Variants in GPC5 observed in about 807,000 individuals in gnomAD.
The protein encoded by GPC5 is glypican 5.
GPC5 carries 47 observed loss-of-function variants against 53.9 expected under a neutral mutation model. That is an observed-to-expected ratio of 0.87 (90% CI 0.69 to 1.11). The LOEUF (loss-of-function observed/expected upper bound fraction) is 1.11. GPC5 is among the 50% of genes most tolerant of loss of function. GPC5 has a pLI of 0.00. For missense variants in GPC5, 748 were observed against 713.1 expected (o/e 1.05, Z -0.56); for synonymous variants, 286 against 263.3 (o/e 1.09, Z -0.84).
intron 6 of GPC5, among the ~76,000 whole-genome samples, chr13:92,008,272 C>T (rs535508728): frequency 6.6e-6 from 1 of 152,062 alleles, no homozygotes; most frequent in East Asian, 1.9e-4. Context: ...CCGTGTTAGC[C>T]AGGATGGTCT....
chr13:92,166,945 C>CTA (rs2042033449), intron 7 of GPC5, among the ~76,000 whole-genome samples: 1 of 67,812 alleles, frequency 1.5e-5, no homozygotes. Flanking sequence ...CTCTCTCTCT[C>CTA]TCTCTCTCTC....
chr13:92,572,135 T>A (rs1037986562), intron 7 of GPC5, among the ~76,000 whole-genome samples: 1 of 152,240 alleles, frequency 6.6e-6, no homozygotes, highest in Admixed American at 6.5e-5. Flanking sequence ...TTTATTTTTC[T>A]GATTGAGATA....
chr13:92,251,285 T>C (rs7338926), intron 7 of GPC5, among the ~76,000 whole-genome samples: 3,121 of 152,094 alleles, frequency 0.021, 95 homozygotes, highest in African/African-American at 0.071. Context: ...GTTCATGAAA[T>C]TATTGGGGAT....
chr13:92,174,274 C>T (rs941728776), intron 7 of GPC5, among the ~76,000 whole-genome samples: 4 of 151,724 alleles, frequency 2.6e-5, no homozygotes, highest in African/African-American at 7.3e-5. Flanking sequence ...GTGATTCCAG[C>T]GCTTTGGGAG....
intron 5 of GPC5, among the ~76,000 whole-genome samples, chr13:91,849,130 A>T (rs1232966453): frequency 6.6e-6 from 1 of 152,160 alleles, no homozygotes; most frequent in African/African-American, 2.4e-5. Flanking sequence ...TGCTGCAAAC[A>T]CATTGCTCTT....
intron 5 of GPC5, among the ~76,000 whole-genome samples, chr13:91,837,626 G>C (rs1266227051): frequency 6.6e-6 from 1 of 152,032 alleles, no homozygotes; most frequent in Non-Finnish European, 1.5e-5. Context: ...GTTGTGTTTT[G>C]GTAAATTTTG....
intron 2 of GPC5, among the ~76,000 whole-genome samples, chr13:91,524,509 C>T (rs1446407222): frequency 6.6e-6 from 1 of 151,948 alleles, no homozygotes; most frequent in Non-Finnish European, 1.5e-5. Context: ...AACAGATATC[C>T]AGATATGTAC....
chr13:92,465,216 G>T (rs1878644154), intron 7 of GPC5, among the ~76,000 whole-genome samples: 1 of 151,982 alleles, frequency 6.6e-6, no homozygotes, highest in African/African-American at 2.4e-5. Flanking sequence ...GCATAAAAGT[G>T]TATGTTAAGA....
rs139291112 is a variant in GPC5 at position 91,859,786 on chromosome 13, TTTTA to T, written c.1281-48147_1281-48144del. On this transcript the variant is annotated intron_variant, in intron 5 of 7. Coordinates refer to ENST00000377067, the MANE Select transcript of GPC5 (RefSeq NM_004466.6). ...TTTACTTTTTTCAAATTATGTTTTA[TTTTA>T]TTTGTTTCTTATTTTTTCATTGACT... Among the ~76,000 whole-genome samples, 149 of 152,134 alleles carry T rather than the reference TTTTA, an allele frequency of 9.8e-4. 4 individuals are homozygous for T. The East Asian group carries it at 0.026, about 27-fold the overall frequency.
At position 91,729,789 on chromosome 13, in the gene GPC5, A is replaced by G. The variant is rs538679354; in HGVS notation, c.1154+1124A>G. On this transcript the variant is annotated intron_variant, in intron 4 of 7. Transcript: ENST00000377067. ...GGTGTTTTTATAATAAAACCCATCT[A>G]CAGAAGATCTGAAGTCCTTCGAGGT... 2.0e-5 allele frequency among the ~76,000 whole-genome samples: 3 copies of G among 152,306 alleles called. No individual in the cohort carries two copies. In the East Asian group the frequency reaches 5.8e-4, roughly 29 times the overall value.
At chr13:92,800,668 T>TA (rs1490866640) in intron 7 of GPC5, among the ~76,000 whole-genome samples, 1 of 151,882 alleles carries the variant, frequency 6.6e-6, no homozygotes, top group African/African-American at 2.4e-5. Flanking sequence ...TGAAGGTTCC[T>TA]ATGATTATCT....
intron 6 of GPC5, among the ~76,000 whole-genome samples, chr13:91,913,260 A>G (rs749801720): frequency 3.3e-5 from 5 of 151,926 alleles, no homozygotes; most frequent in Non-Finnish European, 7.4e-5. Context: ...TTAGCTGGGC[A>G]TTGTGGCGTG....
chr13:91,399,323 G>C, intron 1 of GPC5, 114 bp downstream of exon 1: 2 of 1,297,716 alleles, frequency 1.5e-6, no homozygotes, highest in Non-Finnish European at 2.1e-6. Flanking sequence ...CTGCAGCCGC[G>C]CAGGGTGAAT....
intron 7 of GPC5, among the ~76,000 whole-genome samples, chr13:92,452,187 A>T (rs1878088579): frequency 6.6e-6 from 1 of 152,188 alleles, no homozygotes; most frequent in African/African-American, 2.4e-5. Flanking sequence ...GGTAGGTTGA[A>T]ACTGCAGGAT....
intron 2 of GPC5, among the ~76,000 whole-genome samples, chr13:91,680,794 A>G (rs2035490562): frequency 6.6e-6 from 1 of 152,230 alleles, no homozygotes; most frequent in Non-Finnish European, 1.5e-5. Context: ...GATTGAATTC[A>G]GAAATAGATG....
At chr13:92,778,046 C>T (rs1875882510) in intron 7 of GPC5, among the ~76,000 whole-genome samples, 1 of 152,130 alleles carries the variant, frequency 6.6e-6, no homozygotes. Context: ...TATTGGGATG[C>T]TTAAATTATT....
At chr13:91,739,125 G>A (rs2036875004) in intron 4 of GPC5, among the ~76,000 whole-genome samples, 1 of 151,480 alleles carries the variant, frequency 6.6e-6, no homozygotes, top group South Asian at 2.1e-4. Flanking sequence ...AAATGAAAAT[G>A]TCTAAGCCAT....
intron 2 of GPC5, among the ~76,000 whole-genome samples, chr13:91,660,957 T>G (rs2034973755): frequency 6.6e-6 from 1 of 152,240 alleles, no homozygotes; most frequent in Non-Finnish European, 1.5e-5. Flanking sequence ...TCACTTAGAA[T>G]GGAACACAAT....
In GPC5 at chr13:92,145,124, T is replaced by A. The variant is rs898426873; in HGVS notation, c.1561+135T>A. On this transcript the variant is annotated intron_variant, in intron 7 of 7. Coordinates refer to ENST00000377067, the MANE Select transcript of GPC5 (RefSeq NM_004466.6). The stretch of plus-strand genomic sequence containing the variant: ...GAATTGGAAATGGAAATGAATCTAT[T>A]TTTGGTTTTTTAGGACATACATTCT... 7.0e-6 allele frequency: 6 copies of A among 860,448 alleles called. No homozygotes were observed. The East Asian group carries it at 2.0e-4, about 29-fold the overall frequency. The allele number at this position is 860,448 out of a possible 1,614,324, so 53.3% of individuals were successfully genotyped here.
Sources: allele counts gnomAD v4.1 joint callset (sites outside exome capture counted in the v4.1 genomes callset), GRCh38; gene constraint gnomAD v4.1.1; transcripts MANE v1.5; gene names NCBI Gene and HGNC (gene_info 2026-07-23, HGNC 2026-07-21).